The following ABCD3 variants were observed in gnomAD, a reference collection of about 807,000 sequenced individuals.
The protein encoded by ABCD3 is ATP binding cassette subfamily D member 3, also known as ATP-binding cassette sub-family D member 3.
In ABCD3, 41 loss-of-function variants were observed where a neutral mutation model predicts 105.5. That is an observed-to-expected ratio of 0.39 (90% confidence interval 0.30 to 0.50). The LOEUF is 0.50. Among genes scored for constraint, ABCD3 ranks in the 20% least tolerant of loss-of-function variants. ABCD3 has a pLI of 0.84. For synonymous variants in ABCD3, 258 were observed against 269.0 expected, an observed-to-expected ratio of 0.96 and a Z score of 0.40; for missense variants, 622 against 806.3, an observed-to-expected ratio of 0.77 and a Z score of 2.77.
chr1:94,388,073 T>A, the ABCD3 span, among the ~76,000 whole-genome samples: 1 of 152,216 alleles, frequency 6.6e-6, no homozygotes, highest in Non-Finnish European at 1.5e-5. Flanking sequence ...TGTTTCTTAA[T>A]TATGTTTTTC....
intron 1 of ABCD3, among the ~76,000 whole-genome samples, chr1:94,444,886 G>A (rs1660289002): frequency 6.6e-6 from 1 of 152,174 alleles, no homozygotes; most frequent in South Asian, 2.1e-4. Context: ...CAATGGCCAC[G>A]ATGCCCATGC....
chr1:94,461,194 G>A (rs747236619), intron 2 of ABCD3, among the ~76,000 whole-genome samples: 12 of 152,088 alleles, frequency 7.9e-5, no homozygotes, highest in East Asian at 1.9e-4. Flanking sequence ...ATTTTTGCTC[G>A]TCAGAATTTT....
intron 21 of ABCD3, among the ~76,000 whole-genome samples, chr1:94,508,774 CG>C (rs1650499815): frequency 1.3e-5 from 2 of 152,024 alleles, no homozygotes; most frequent in Non-Finnish European, 2.9e-5. Context: ...GGAGTTCACT[CG>C]TGATTTGGCT....
intron 7 of ABCD3, 21 bp downstream of exon 7, chr1:94,475,758 A>G: frequency 6.3e-7 from 1 of 1,581,932 alleles, no homozygotes; most frequent in Non-Finnish European, 8.7e-7. Flanking sequence ...CTCCTTTTTA[A>G]AAGATTATTT....
intron 1 of ABCD3, among the ~76,000 whole-genome samples, chr1:94,456,586 T>C (rs888979103): frequency 6.6e-6 from 1 of 151,936 alleles, no homozygotes; most frequent in African/African-American, 2.4e-5. Context: ...CTCCTTTTTT[T>C]TTTTTAAGCT....
intron 20 of ABCD3, among the ~76,000 whole-genome samples, chr1:94,504,167 TC>T (rs1650240877): frequency 6.6e-6 from 1 of 151,816 alleles, no homozygotes; most frequent in Non-Finnish European, 1.5e-5. Flanking sequence ...TGCCTCAGCC[TC>T]CCAAAGTGCT....
At chr1:94,409,361 CA>C in the ABCD3 span, among the ~76,000 whole-genome samples, 3 of 152,058 alleles carry the variant, frequency 2.0e-5, no homozygotes, top group Admixed American at 2.0e-4. Flanking sequence ...TATATACCCA[CA>C]AAAGTTAAAA....
chr1:94,414,597 A>G (rs1658965499), upstream of ABCD3, among the ~76,000 whole-genome samples: 2 of 152,104 alleles, frequency 1.3e-5, no homozygotes, highest in Non-Finnish European at 2.9e-5. Context: ...ACCTTTCTAC[A>G]TGCAGAATAA....
At chr1:94,503,059 T>G (rs2101048865) in intron 20 of ABCD3, among the ~76,000 whole-genome samples, 1 of 152,204 alleles carries the variant, frequency 6.6e-6, no homozygotes, top group East Asian at 1.9e-4. Context: ...GTGTGTGTAA[T>G]TTTTTTTAAG....
intron 5 of ABCD3, among the ~76,000 whole-genome samples, chr1:94,474,366 C>A (rs1200411050): frequency 6.6e-6 from 1 of 151,990 alleles, no homozygotes; most frequent in African/African-American, 2.4e-5. Context: ...GAATTTTTTA[C>A]AGATAAATTG....
At chr1:94,396,169 T>A in the ABCD3 span, among the ~76,000 whole-genome samples, 1 of 152,192 alleles carries the variant, frequency 6.6e-6, no homozygotes, top group Non-Finnish European at 1.5e-5. Flanking sequence ...CAGATTCCAA[T>A]CCTATTTCCT....
upstream of ABCD3, among the ~76,000 whole-genome samples, chr1:94,415,624 CA>C (rs1557653488): frequency 6.6e-6 from 1 of 151,732 alleles, no homozygotes; most frequent in Non-Finnish European, 1.5e-5. Flanking sequence ...GTTACAGAAG[CA>C]GTCTCCATTT....
intron 1 of ABCD3, among the ~76,000 whole-genome samples, chr1:94,431,175 T>C (rs144794285): frequency 1.3e-5 from 2 of 152,366 alleles, no homozygotes; most frequent in East Asian, 3.9e-4. Flanking sequence ...TCATTGTTGT[T>C]GCCATTCTTT....
intron 1 of ABCD3, among the ~76,000 whole-genome samples, chr1:94,452,950 C>A (rs895914465): frequency 3.9e-5 from 6 of 152,194 alleles, no homozygotes; most frequent in Non-Finnish European, 8.8e-5. Context: ...GTTGGCCAGG[C>A]TGTTCTTGAA....
rs202124361 is a variant in ABCD3, at chr1:94,489,979, C to T, written c.1322+4C>T. ...TTATTGCAGATAACATTATAAAGTA[C>T]GTACAGAAAAAGGTCTTTTAGCACC... On this transcript the variant is annotated splice_donor_region_variant and intron_variant, in intron 15 of 22. Transcript: ENST00000370214. The T allele has an allele frequency of 2.4e-5, 39 of 1,611,952 alleles. No homozygotes were observed. Among genetic ancestry groups the T allele is most frequent in the Admixed American group, 5.0e-5 (3 of 59,978 alleles).
intron 8 of ABCD3, among the ~76,000 whole-genome samples, chr1:94,479,629 A>G (rs1648941018): frequency 6.6e-6 from 1 of 152,120 alleles, no homozygotes; most frequent in African/African-American, 2.4e-5. Flanking sequence ...GCCAAGAAGA[A>G]CTGGAGGTGA....
chr1:94,515,414 A>T (rs1279414333), intron 22 of ABCD3, among the ~76,000 whole-genome samples: 1 of 152,002 alleles, frequency 6.6e-6, no homozygotes, highest in Admixed American at 6.6e-5. Flanking sequence ...CTCCAGTTTT[A>T]TAAGTGACTC....
chr1:94,458,926 T>TG (rs1234717537), intron 2 of ABCD3, among the ~76,000 whole-genome samples: 11 of 148,074 alleles, frequency 7.4e-5, no homozygotes, highest in African/African-American at 2.7e-4. Flanking sequence ...TGTATCGAGA[T>TG]ATATCTTGTC....
chr1:94,491,323 A>G (rs1467793413), intron 16 of ABCD3, 76 bp downstream of exon 16: 50 of 1,154,402 alleles, frequency 4.3e-5, no homozygotes, highest in Non-Finnish European at 6.3e-5. Context: ...CTGAATATTT[A>G]AAGTAACTTT....
Sources: allele counts gnomAD v4.1 joint callset (sites outside exome capture counted in the v4.1 genomes callset), GRCh38; gene constraint gnomAD v4.1.1; transcripts MANE v1.5; gene names NCBI Gene and HGNC (gene_info 2026-07-23, HGNC 2026-07-21).